Variants in NTAQ1 observed in about 807,000 individuals in gnomAD.
The protein encoded by NTAQ1 is protein N-terminal glutamine amidohydrolase.
NTAQ1 carries 21 observed loss-of-function variants against 28.2 expected under a neutral mutation model. The observed-to-expected ratio is 0.74, with a 90% CI of 0.53 to 1.07. The LOEUF (loss-of-function observed/expected upper bound fraction) is 1.07, where lower values mean the gene tolerates loss of function less well. Among genes scored for constraint, NTAQ1 ranks in the 50% least tolerant of loss-of-function variants. The pLI, the probability that NTAQ1 is intolerant of heterozygous loss-of-function variation, is 0.00. For synonymous variants in NTAQ1, 105 were observed against 90.0 expected (o/e 1.17, Z -0.94); for missense variants, 264 against 256.6 (o/e 1.03, Z -0.20).
intron 1 of NTAQ1, among the ~76,000 whole-genome samples, chr8:123,423,870 T>A (rs1302045981): frequency 2.7e-5 from 4 of 149,436 alleles, no homozygotes; most frequent in African/African-American, 7.4e-5. Context: ...CTTTGTAGTT[T>A]TTATTATTAT....
chr8:123,437,964 G>C (rs747969337), intron 5 of NTAQ1, among the ~76,000 whole-genome samples: 2 of 152,182 alleles, frequency 1.3e-5, no homozygotes, highest in Non-Finnish European at 2.9e-5. Context: ...TTAACAGCGG[G>C]ACTAGTAGCA....
chr8:123,417,542 C>T (rs774395477), intron 1 of NTAQ1, among the ~76,000 whole-genome samples: 4 of 152,068 alleles, frequency 2.6e-5, no homozygotes, highest in Non-Finnish European at 5.9e-5. Flanking sequence ...GGGTCTGGCC[C>T]CGGAATCCAC....
downstream of NTAQ1, among the ~76,000 whole-genome samples, chr8:123,444,639 TGGGACCACAGGTGCCCACCACTAC>T (rs1265517005): frequency 2.0e-5 from 3 of 152,352 alleles, no homozygotes; most frequent in Non-Finnish European, 1.5e-5. Flanking sequence ...CCTGAGTAGC[TGGGACCACAGGTGCCCACCACTAC>T]GCCCAGCTAA....
At chr8:123,455,747 GACTC>G (rs1460635828) in intron 6 of NTAQ1, among the ~76,000 whole-genome samples, 1 of 152,128 alleles carries the variant, frequency 6.6e-6, no homozygotes, top group Non-Finnish European at 1.5e-5. Flanking sequence ...TTAATAGCCA[GACTC>G]ACTCCCACTT....
At chr8:123,441,040 C>CA (rs36006241) in intron 5 of NTAQ1, among the ~76,000 whole-genome samples, 55,005 of 151,912 alleles carry the variant, frequency 0.36, 10,059 homozygotes, top group East Asian at 0.56. Context: ...GCCAAAGACT[C>CA]GGGGGTCCCC....
downstream of NTAQ1, among the ~76,000 whole-genome samples, chr8:123,443,010 A>G (rs1815138008): frequency 6.8e-6 from 1 of 147,148 alleles, no homozygotes; most frequent in Non-Finnish European, 1.5e-5. Context: ...TTTAATCTGC[A>G]TGTTATTTTT....
Position 123,416,792 on chromosome 8 carries a change from C to T in NTAQ1, c.-58C>T. The T allele has an allele frequency of 6.8e-7, 1 of 1,476,618 alleles. No individual in the cohort carries two copies. The highest frequency in any genetic ancestry group is 9.0e-7 in the Non-Finnish European group (1 of 1,111,352). 91.5% of individuals were successfully genotyped at this position (1,476,618 alleles called of 1,614,324 possible). The stretch of plus-strand genomic sequence containing the variant: ...GCGGGCCACTACAAGCCCGCCCTTT[C>T]CTACGTCTGGTCCAGTCGGTCTTCC... On this transcript the variant is annotated 5_prime_UTR_variant, in exon 1 of 6. Coordinates refer to ENST00000287387, the MANE Select transcript of NTAQ1 (RefSeq NM_018024.3).
chr8:123,474,615 G>A (rs904613254), downstream of NTAQ1, among the ~76,000 whole-genome samples: 3 of 152,144 alleles, frequency 2.0e-5, no homozygotes, highest in East Asian at 1.9e-4. Context: ...TTAAAACTAC[G>A]CAAATATTGC....
chr8:123,431,005 G>A (rs1229338502), intron 3 of NTAQ1, among the ~76,000 whole-genome samples: 1 of 152,056 alleles, frequency 6.6e-6, no homozygotes, highest in Non-Finnish European at 1.5e-5. Flanking sequence ...GTCCTTTTTA[G>A]TACACATCTA....
At chr8:123,421,310 G>C (rs1813675931) in intron 1 of NTAQ1, among the ~76,000 whole-genome samples, 1 of 151,754 alleles carries the variant, frequency 6.6e-6, no homozygotes, top group South Asian at 2.1e-4. Flanking sequence ...GAACTTTTGG[G>C]CTCAAGCAGT....
chr8:123,422,077 A>G (rs150684705), intron 1 of NTAQ1, among the ~76,000 whole-genome samples: 3,026 of 149,200 alleles, frequency 0.02, 116 homozygotes, highest in African/African-American at 0.071. Flanking sequence ...TGGCCTCCCA[A>G]AGTGCTGAGA....
intron 6 of NTAQ1, among the ~76,000 whole-genome samples, chr8:123,458,897 C>T (rs1022731799): frequency 2.7e-4 from 41 of 151,934 alleles, no homozygotes; most frequent in Non-Finnish European, 7.4e-5. Context: ...TGGGATTACA[C>T]GCGTGAGCCA....
At chr8:123,452,588 C>G (rs893742378), downstream of NTAQ1, among the ~76,000 whole-genome samples, 4 of 149,630 alleles carry the variant, frequency 2.7e-5, no homozygotes, top group Non-Finnish European at 5.9e-5. Context: ...CAGCAAGACT[C>G]GGTCTCCACA....
In NTAQ1 at chr8:123,441,847, T is replaced by A. The variant is rs553768982; in HGVS notation, c.*432T>A. ...CCATAAAAGGTGCCCATAAAATGTT[T>A]TCTTGAACATTTGAATGTGCTGTTG... On this transcript the variant is annotated 3_prime_UTR_variant, in exon 6 of 6. Coordinates refer to ENST00000287387, the MANE Select transcript of NTAQ1 (RefSeq NM_018024.3). The A allele has an allele frequency of 6.1e-6, 1 of 163,620 alleles. No homozygotes were observed. Among genetic ancestry groups the A allele is most frequent in the South Asian group, 1.8e-4 (1 of 5,610 alleles). The allele number at this position is 163,620 out of a possible 1,614,324, so 10.1% of individuals were successfully genotyped here.
intron 2 of NTAQ1, 90 bp from the exon 3 acceptor site, chr8:123,429,893 A>AGG: frequency 3.1e-6 from 2 of 636,332 alleles, no homozygotes; most frequent in Admixed American, 8.8e-5. Flanking sequence ...AAAAAAAAAA[A>AGG]AAAATCCCGT....
chr8:123,437,717 AC>A lies in NTAQ1; in HGVS notation c.508+384del, dbSNP rs780804872. Among the ~76,000 whole-genome samples the A allele has an allele frequency of 4.7e-3, 279 of 59,894 alleles. 2 individuals carry two copies. The highest frequency in any genetic ancestry group is 0.016 in the African/African-American group (265 of 16,280). 39.3% of individuals were successfully genotyped at this position (59,894 alleles called of 152,430 possible). A position where few individuals can be genotyped will look rare whatever the true frequency, so the allele number is the denominator to read the frequency against. On this transcript the variant is annotated intron_variant, in intron 5 of 5. Transcript: ENST00000287387. ...GACTCCATCTCAAAAAAAAAAAAAAACAAAAAACAAAAAACAAAAAATTCCA... is the reference window on the plus strand; with the variant it reads ...GACTCCATCTCAAAAAAAAAAAAAAAAAAAAACAAAAAACAAAAAATTCCA...
At chr8:123,423,888 A>ATTT (rs72374392) in intron 1 of NTAQ1, among the ~76,000 whole-genome samples, 40 of 151,012 alleles carry the variant, frequency 2.6e-4, no homozygotes, top group Middle Eastern at 3.4e-3. Flanking sequence ...TATTATTATT[A>ATTT]TTTTTAATTT....
intron 2 of NTAQ1, among the ~76,000 whole-genome samples, chr8:123,429,132 T>C (rs1814244510): frequency 6.6e-6 from 1 of 152,184 alleles, no homozygotes; most frequent in South Asian, 2.1e-4. Context: ...AGGCAATATT[T>C]GGACAAGTTT....
At position 123,457,776 on chromosome 8, in the gene NTAQ1, G is replaced by A. The variant is rs1274147752; in HGVS notation, c.373-9303G>A. 5.3e-5 allele frequency among the ~76,000 whole-genome samples: 8 copies of A among 151,800 alleles called. No individual in the cohort carries two copies. The South Asian group carries it at 1.7e-3, about 31-fold the overall frequency. ...TGACTGGGCGCAGTGGCTCACGCCT[G>A]TAATCCCAGCACTTTGGGAGGCCGA... On this transcript the variant is annotated intron_variant, in intron 6 of 6. Coordinates refer to the NTAQ1 transcript ENST00000650311.
Sources: gnomAD v4.1 joint callset for allele counts (sites outside exome capture counted in the v4.1 genomes callset) on GRCh38, gnomAD v4.1.1 for gene constraint, MANE v1.5 for transcripts, NCBI Gene and HGNC (gene_info 2026-07-23, HGNC 2026-07-21) for gene names.